Variants in LMOD1 observed in about 807,000 individuals in gnomAD.
LMOD1 encodes leiomodin-1.
Under a neutral mutation model 36.5 loss-of-function variants are expected in LMOD1, and 8 were observed. That is an observed-to-expected ratio of 0.22 (90% CI 0.13 to 0.40). LMOD1 has a LOEUF of 0.40. Ranked by LOEUF, LMOD1 falls within the 10% of genes least tolerant of loss-of-function variation. LMOD1 has a pLI of 1.00. For missense variants in LMOD1, 630 were observed against 751.1 expected (o/e 0.84, Z 1.88); for synonymous variants, 284 against 288.7 (o/e 0.98, Z 0.17).
chr1:201,924,241 G>T (rs983195726), intron 1 of LMOD1, among the ~76,000 whole-genome samples: 1 of 150,478 alleles, frequency 6.6e-6, no homozygotes, highest in South Asian at 2.1e-4. Flanking sequence ...GGAGAATGGC[G>T]TGAACCCGGG....
intron 1 of LMOD1, among the ~76,000 whole-genome samples, chr1:201,914,148 C>T (rs545766250): frequency 2.7e-4 from 41 of 152,292 alleles, no homozygotes; most frequent in African/African-American, 8.9e-4. Context: ...CCCAGTCACA[C>T]GTGCCAGCCA....
chr1:201,901,560 ATATG>A (rs1483214344), intron 1 of LMOD1, among the ~76,000 whole-genome samples: 879 of 25,808 alleles, frequency 0.034, 47 homozygotes, highest in South Asian at 0.072. Flanking sequence ...ATACATATAT[ATATG>A]TATATATATA....
Position 201,899,494 on chromosome 1 carries a change from C to A in LMOD1, c.1519G>T (p.Gly507Cys), listed in dbSNP as rs1681253989. ...GGTTGAGGTGAAGGTTTTGGGGAGCCCTTAGCCACGGCCCCGGCCTTGGGT... is the reference window on the plus strand; with the variant it reads ...GGTTGAGGTGAAGGTTTTGGGGAGCACTTAGCCACGGCCCCGGCCTTGGGT... ...EVPKAGAVAK[G>C]SPKPSPQPSP... is the part of the protein sequence containing the mutation. Residue 507 changes from glycine to cysteine, a missense_variant, in exon 2 of 3, where the codon GGC becomes TGC. Physicochemically the swap from Gly to Cys is radical, Grantham distance 159. Transcript: ENST00000367288. This position sits in a 1 kb window ranked among gnomAD's most constrained non-coding sequence, Gnocchi z 6.3. 1.2e-6 allele frequency: 2 copies of A among 1,613,970 alleles called. No individual in the cohort carries two copies. The highest frequency in any genetic ancestry group is 1.7e-6 in the Non-Finnish European group (2 of 1,179,892).
At chr1:201,919,932 G>A (rs917868382) in intron 1 of LMOD1, among the ~76,000 whole-genome samples, 13 of 150,992 alleles carry the variant, frequency 8.6e-5, no homozygotes, top group Admixed American at 4.0e-4. Flanking sequence ...CTAAACTATT[G>A]TAAGCAGCCT....
At chr1:201,905,971 T>A (rs952609201) in intron 1 of LMOD1, among the ~76,000 whole-genome samples, 1 of 152,240 alleles carries the variant, frequency 6.6e-6, no homozygotes, top group Admixed American at 6.5e-5. Flanking sequence ...GACGGTTTGA[T>A]GCCACCCTTG....
intron 1 of LMOD1, among the ~76,000 whole-genome samples, chr1:201,937,177 G>C (rs575996023): frequency 1.3e-5 from 2 of 152,304 alleles, no homozygotes; most frequent in South Asian, 4.1e-4. Context: ...GCCAGGTGTG[G>C]TGGCTCATGC....
At chr1:201,927,074 C>T (rs1681837546) in intron 1 of LMOD1, among the ~76,000 whole-genome samples, 1 of 152,160 alleles carries the variant, frequency 6.6e-6, no homozygotes, top group Non-Finnish European at 1.5e-5. Flanking sequence ...AGCCTTATTA[C>T]ATTATAAGCA....
intron 1 of LMOD1, among the ~76,000 whole-genome samples, chr1:201,904,979 G>C (rs534310614): frequency 6.6e-6 from 1 of 152,332 alleles, no homozygotes; most frequent in African/African-American, 2.4e-5. Flanking sequence ...GTGACCTCCA[G>C]AGGTTATTTT....
chr1:201,923,524 C>A (rs1419772317), intron 1 of LMOD1, among the ~76,000 whole-genome samples: 3 of 151,950 alleles, frequency 2.0e-5, no homozygotes, highest in Non-Finnish European at 2.9e-5. Context: ...AGTTTGAGAT[C>A]AGCCTGGACA....
At chr1:201,904,923 G>T (rs1468188750) in intron 1 of LMOD1, among the ~76,000 whole-genome samples, 1 of 152,200 alleles carries the variant, frequency 6.6e-6, no homozygotes, top group Non-Finnish European at 1.5e-5. Context: ...CTGAAAGGGA[G>T]GCTAGGAAAA....
intron 1 of LMOD1, among the ~76,000 whole-genome samples, chr1:201,942,448 A>T (rs2102933205): frequency 6.6e-6 from 1 of 152,338 alleles, no homozygotes; most frequent in African/African-American, 2.4e-5. Flanking sequence ...GGAAGAGGCA[A>T]GGGTGGAATA....
At chr1:201,916,970 A>G (rs919134401) in intron 1 of LMOD1, among the ~76,000 whole-genome samples, 2 of 149,406 alleles carry the variant, frequency 1.3e-5, no homozygotes, top group Non-Finnish European at 2.9e-5. Flanking sequence ...TGAACCTGGG[A>G]AAAAAAGGGC....
chr1:201,942,622 C>T (rs1241529613), intron 1 of LMOD1, among the ~76,000 whole-genome samples: 1 of 151,854 alleles, frequency 6.6e-6, no homozygotes, highest in Non-Finnish European at 1.5e-5. Flanking sequence ...GGGGAAAAGA[C>T]AGACCTTAAG....
chr1:201,933,552 A>G (rs1681962862), intron 1 of LMOD1, among the ~76,000 whole-genome samples: 1 of 144,024 alleles, frequency 6.9e-6, no homozygotes, highest in African/African-American at 2.5e-5. Flanking sequence ...ATACATATAT[A>G]TATAATACAT....
At chr1:201,909,188 T>C (rs1402310183) in intron 1 of LMOD1, among the ~76,000 whole-genome samples, 1 of 152,130 alleles carries the variant, frequency 6.6e-6, no homozygotes, top group African/African-American at 2.4e-5. Flanking sequence ...CTGCCTGACC[T>C]CTCGGTGGCT....
At chr1:201,944,160 C>G (rs115237323) in intron 1 of LMOD1, among the ~76,000 whole-genome samples, 1 of 152,230 alleles carries the variant, frequency 6.6e-6, no homozygotes, top group Non-Finnish European at 1.5e-5. Context: ...CAAGGATGTA[C>G]ACACAAACAC....
chr1:201,899,113 C>G lies in LMOD1; in HGVS notation c.1776+124G>C. ...GATGACCTGAAGTCCCCTATGGGCC[C>G]TGGGAGTCTATATCATCTGCAGCCG... On this transcript the variant is annotated intron_variant, in intron 2 of 2. Transcript: ENST00000367288. This position sits in a 1 kb window ranked among gnomAD's most constrained non-coding sequence, Gnocchi z 6.3. 1.1e-6 allele frequency: 1 copy of G among 880,516 alleles called. No individual in the cohort carries two copies. 54.5% of individuals were successfully genotyped at this position (880,516 alleles called of 1,614,324 possible). A position where few individuals can be genotyped will look rare whatever the true frequency, so the allele number is the denominator to read the frequency against.
intron 1 of LMOD1, among the ~76,000 whole-genome samples, chr1:201,933,595 T>TTTTATATATATATA (rs1553298744): frequency 9.5e-5 from 6 of 63,232 alleles, no homozygotes; most frequent in African/African-American, 2.8e-4. Context: ...TATACATACA[T>TTTTATATATATATA]TATATATATA....
chr1:201,923,557 G>GA (rs541465411), intron 1 of LMOD1, among the ~76,000 whole-genome samples: 3 of 150,598 alleles, frequency 2.0e-5, no homozygotes, highest in East Asian at 1.9e-4. Context: ...CCTGTCTATT[G>GA]AAAAAAAAAT....
Sources: allele counts gnomAD v4.1 joint callset (sites outside exome capture counted in the v4.1 genomes callset), GRCh38; gene constraint gnomAD v4.1.1; non-coding constraint Gnocchi (gnomAD v3.1); transcripts MANE v1.5; gene names NCBI Gene and HGNC (gene_info 2026-07-23, HGNC 2026-07-21).